CDC42BPA: variants seen among roughly 807,000 people sequenced by gnomAD.
The protein encoded by CDC42BPA is serine/threonine-protein kinase MRCK alpha.
A neutral mutation model predicts 223.5 loss-of-function variants in CDC42BPA; 80 were observed. That is an observed-to-expected ratio of 0.36 (90% CI 0.30 to 0.43). The LOEUF (loss-of-function observed/expected upper bound fraction) is 0.43. Among genes scored for constraint, CDC42BPA ranks in the 20% least tolerant of loss-of-function variants. The probability of loss-of-function intolerance (pLI) is 1.00; values close to 1 mark genes in which losing one functional copy is unlikely to be tolerated. For missense variants in CDC42BPA, 1,743 were observed against 2,099.9 expected, an observed-to-expected ratio of 0.83 and a Z score of 3.32; for synonymous variants, 694 against 718.6, an observed-to-expected ratio of 0.97 and a Z score of 0.55.
intron 35 of CDC42BPA, chr1:227,004,075 C>A (rs1663503251): frequency 7.0e-6 from 1 of 142,432 alleles, no homozygotes; most frequent in Admixed American, 7.1e-5. Flanking sequence ...TTTTTTGCTA[C>A]CTCGGGACCT....
intron 5 of CDC42BPA, among the ~76,000 whole-genome samples, chr1:227,185,314 C>T (rs951826712): frequency 3.3e-5 from 5 of 152,130 alleles, no homozygotes; most frequent in African/African-American, 4.8e-5. Context: ...CCCGGGCTGG[C>T]AACCTTTGAT....
intron 1 of CDC42BPA, among the ~76,000 whole-genome samples, chr1:227,306,661 A>G (rs1465175724): frequency 1.3e-5 from 2 of 152,214 alleles, no homozygotes; most frequent in Admixed American, 6.5e-5. Flanking sequence ...TTATGATATC[A>G]TATGTCAGCT....
intron 21 of CDC42BPA, among the ~76,000 whole-genome samples, chr1:227,058,361 C>T (rs1675030337): frequency 6.6e-6 from 1 of 152,182 alleles, no homozygotes; most frequent in African/African-American, 2.4e-5. Flanking sequence ...CAGGCCACCC[C>T]TACTGCTTCC....
At chr1:227,307,636 T>C (rs1450540478) in intron 1 of CDC42BPA, among the ~76,000 whole-genome samples, 2 of 152,226 alleles carry the variant, frequency 1.3e-5, no homozygotes, top group Non-Finnish European at 2.9e-5. Flanking sequence ...ACTGAACTCT[T>C]AATTTTCAGA....
At chr1:227,160,921 T>C (rs1663765911) in intron 5 of CDC42BPA, among the ~76,000 whole-genome samples, 1 of 152,192 alleles carries the variant, frequency 6.6e-6, no homozygotes, top group Non-Finnish European at 1.5e-5. Flanking sequence ...CAGATTCCAA[T>C]GTGACTATGG....
At chr1:227,294,941 C>T (rs116823981) in intron 1 of CDC42BPA, among the ~76,000 whole-genome samples, 3,811 of 122,316 alleles carry the variant, frequency 0.031, 196 homozygotes, top group African/African-American at 0.11. Flanking sequence ...AAAAAAAAAG[C>T]AAGGTATAAA....
chr1:227,305,550 A>G (rs1415926447), intron 1 of CDC42BPA, among the ~76,000 whole-genome samples: 2 of 152,222 alleles, frequency 1.3e-5, no homozygotes. Context: ...ATACCTTTAG[A>G]TGTCATTCTT....
At chr1:227,300,607 G>T (rs1473844387) in intron 1 of CDC42BPA, among the ~76,000 whole-genome samples, 2 of 152,178 alleles carry the variant, frequency 1.3e-5, no homozygotes, top group Admixed American at 1.3e-4. Context: ...TCACTTATAA[G>T]TGGGAGCTAA....
intron 23 of CDC42BPA, among the ~76,000 whole-genome samples, chr1:227,045,406 G>T (rs893780575): frequency 6.6e-6 from 1 of 152,020 alleles, no homozygotes; most frequent in Non-Finnish European, 1.5e-5. Context: ...TTCTATCTTT[G>T]GTATCTTGAA....
At chr1:227,239,860 A>G (rs1572568911) in intron 2 of CDC42BPA, among the ~76,000 whole-genome samples, 2 of 152,262 alleles carry the variant, frequency 1.3e-5, no homozygotes, top group South Asian at 2.1e-4. Context: ...GTTCAGGAAT[A>G]AGGTAAGGAT....
chr1:227,027,730 T>A (rs1022133597), intron 30 of CDC42BPA, among the ~76,000 whole-genome samples: 3 of 152,212 alleles, frequency 2.0e-5, no homozygotes, highest in African/African-American at 7.2e-5. Flanking sequence ...TAAGACTGTA[T>A]CTATTTTACT....
intron 21 of CDC42BPA, among the ~76,000 whole-genome samples, chr1:227,055,871 G>T (rs145923760): frequency 5.6e-4 from 84 of 150,604 alleles, no homozygotes; most frequent in African/African-American, 2.0e-3. Context: ...CTATATTTCA[G>T]TATCATTTTA....
intron 10 of CDC42BPA, among the ~76,000 whole-genome samples, chr1:227,137,755 CAA>C (rs1488654892): frequency 3.3e-5 from 5 of 150,122 alleles, no homozygotes; most frequent in Non-Finnish European, 7.4e-5. Flanking sequence ...ATGCCATACA[CAA>C]AAGAGAATAT....
chr1:227,233,859 G>A (rs1335490743), intron 2 of CDC42BPA, among the ~76,000 whole-genome samples: 1 of 151,486 alleles, frequency 6.6e-6, no homozygotes, highest in East Asian at 1.9e-4. Context: ...CTTGAACCTA[G>A]GAGGTGGAAG....
At chr1:227,156,357 G>A (rs1175393651) in intron 6 of CDC42BPA, among the ~76,000 whole-genome samples, 3 of 151,454 alleles carry the variant, frequency 2.0e-5, no homozygotes, top group Non-Finnish European at 4.4e-5. Context: ...GTCTTGCTAT[G>A]TTGCTCAGGC....
chr1:227,026,318 A>G (rs1480183072), intron 30 of CDC42BPA, among the ~76,000 whole-genome samples, 166 bp from the exon 31 acceptor site: 6 of 152,194 alleles, frequency 3.9e-5, no homozygotes, highest in African/African-American at 1.4e-4. Context: ...AACAGAACAT[A>G]TATCGTAAAT....
chr1:227,101,638 G>C (rs938147797), intron 14 of CDC42BPA, among the ~76,000 whole-genome samples: 1 of 152,076 alleles, frequency 6.6e-6, no homozygotes, highest in African/African-American at 2.4e-5. Flanking sequence ...AAGTTTTAAG[G>C]ATATCTGTGT....
At chr1:227,258,472 G>GTA (rs1462138484) in intron 1 of CDC42BPA, among the ~76,000 whole-genome samples, 1 of 150,678 alleles carries the variant, frequency 6.6e-6, no homozygotes, top group Non-Finnish European at 1.5e-5. Context: ...CTATACAGGG[G>GTA]TATACAGTTA....
intron 15 of CDC42BPA, among the ~76,000 whole-genome samples, chr1:227,093,116 C>G (rs1287085959): frequency 1.3e-5 from 2 of 152,178 alleles, no homozygotes; most frequent in African/African-American, 4.8e-5. Flanking sequence ...TTCAATTTTC[C>G]TTGGTCTAGA....
Sources: allele counts gnomAD v4.1 joint callset (sites outside exome capture counted in the v4.1 genomes callset), GRCh38; gene constraint gnomAD v4.1.1; transcripts MANE v1.5; gene names NCBI Gene and HGNC (gene_info 2026-07-23, HGNC 2026-07-21).